The following PDE1A variants were observed in gnomAD, a reference collection of about 807,000 sequenced individuals.
PDE1A encodes phosphodiesterase 1A, also known as dual specificity calcium/calmodulin-dependent 3',5'-cyclic nucleotide phosphodiesterase 1A.
PDE1A carries 35 observed loss-of-function variants against 61.7 expected under a neutral mutation model. The observed-to-expected ratio is 0.57, with a 90% CI of 0.43 to 0.75. PDE1A has a LOEUF of 0.75. Ranked by LOEUF, PDE1A falls within the 30% of genes least tolerant of loss-of-function variation. The probability of loss-of-function intolerance (pLI) is 0.00; values close to 1 mark genes in which losing one functional copy is unlikely to be tolerated. For missense variants in PDE1A, 597 were observed against 630.6 expected (o/e 0.95, Z 0.57); for synonymous variants, 232 against 213.2 (o/e 1.09, Z -0.77).
intron 2 of PDE1A, among the ~76,000 whole-genome samples, chr2:182,463,384 A>G (rs1686439630): frequency 1.3e-5 from 2 of 152,216 alleles, no homozygotes; most frequent in African/African-American, 4.8e-5. Flanking sequence ...ATGCTACAGT[A>G]TTCACAGCAC....
In PDE1A at chr2:182,348,657, T is replaced by A. The variant is rs73043590; in HGVS notation, c.53+77921A>T. Among the ~76,000 whole-genome samples the A allele has an allele frequency of 4.0e-3, 613 of 152,144 alleles. 5 individuals carry two copies. Among genetic ancestry groups the A allele is most frequent in the Middle Eastern group, 0.017 (5 of 294 alleles). On this transcript the variant is annotated intron_variant, in intron 1 of 13. Coordinates refer to ENST00000351439, the Ensembl canonical transcript of PDE1A. ...TGGACTCTATGCTATCCTGTCCATT[T>A]CATTTCATTCCATTTCTTTGATCCA...
chr2:182,412,931 T>C (rs1372399246), intron 1 of PDE1A, among the ~76,000 whole-genome samples: 1 of 152,182 alleles, frequency 6.6e-6, no homozygotes, highest in African/African-American at 2.4e-5. Context: ...TAAAAGCTTA[T>C]TTTGGTTGGA....
chr2:182,638,896 G>T, the PDE1A span, among the ~76,000 whole-genome samples: 1 of 152,164 alleles, frequency 6.6e-6, no homozygotes, highest in Non-Finnish European at 1.5e-5. Flanking sequence ...ATGTGGTGAG[G>T]AAAGTGTAGC....
In PDE1A at chr2:182,469,571, C is replaced by A. The variant is rs115500354; in HGVS notation, c.101+52705G>T. 9.5e-3 allele frequency among the ~76,000 whole-genome samples: 1,447 copies of A among 152,042 alleles called. 18 individuals carry two copies. The highest frequency in any genetic ancestry group is 0.033 in the African/African-American group (1,360 of 41,520). ...ATCAGCAATAAGTCTGTTTGGCTTC[C>A]TTATAATTCATATGTTCACTAGGAT... is the stretch of plus-strand genomic sequence containing the variant. On this transcript the variant is annotated intron_variant, in intron 2 of 14. Coordinates refer to the PDE1A transcript ENST00000410103.
chr2:182,155,859 C>G (rs1286798691), intron 13 of PDE1A, among the ~76,000 whole-genome samples: 2 of 152,178 alleles, frequency 1.3e-5, no homozygotes, highest in Non-Finnish European at 2.9e-5. Context: ...CCATTGCACT[C>G]CAGCCTGGGC....
chr2:182,619,974 C>CA, the PDE1A span, among the ~76,000 whole-genome samples: 1 of 152,032 alleles, frequency 6.6e-6, no homozygotes, highest in African/African-American at 2.4e-5. Flanking sequence ...CAAACCCATC[C>CA]ATAAGGGTAG....
At chr2:182,191,100 T>G (rs1037007041) in intron 10 of PDE1A, among the ~76,000 whole-genome samples, 1 of 152,270 alleles carries the variant, frequency 6.6e-6, no homozygotes, top group East Asian at 1.9e-4. Flanking sequence ...TAATTTAGCA[T>G]GTAATAGAGA....
chr2:182,275,517 T>C (rs959836820), intron 1 of PDE1A, among the ~76,000 whole-genome samples: 2 of 152,078 alleles, frequency 1.3e-5, no homozygotes, highest in African/African-American at 4.8e-5. Context: ...TCTTGAGATT[T>C]GCAAATAAGG....
intron 8 of PDE1A, 122 bp downstream of exon 8, chr2:182,205,818 G>C: frequency 1.3e-6 from 1 of 799,312 alleles, no homozygotes; most frequent in East Asian, 2.7e-5. Flanking sequence ...TCATCCAGTC[G>C]ACAGTAATTA....
chr2:182,655,353 T>G, the PDE1A span, among the ~76,000 whole-genome samples: 1 of 152,186 alleles, frequency 6.6e-6, no homozygotes. Flanking sequence ...GGACTCCAGG[T>G]GTTTTCACTA....
At chr2:182,516,765 GAA>G (rs1690203222) in intron 2 of PDE1A, among the ~76,000 whole-genome samples, 3 of 120,686 alleles carry the variant, frequency 2.5e-5, no homozygotes, top group Admixed American at 9.4e-5. Context: ...GAAAGAAAAA[GAA>G]AGAAAGAAAG....
chr2:182,169,896 ACACACACACACACACACACACACACG>A (rs1449477831), intron 13 of PDE1A, among the ~76,000 whole-genome samples: 2 of 108,588 alleles, frequency 1.8e-5, no homozygotes, highest in African/African-American at 8.6e-5. Flanking sequence ...CAGGAGACAC[ACACACACACACACACACACACACACG>A]CACACACACA....
chr2:182,715,808 A>T, the PDE1A span, among the ~76,000 whole-genome samples: 1 of 152,200 alleles, frequency 6.6e-6, no homozygotes, highest in Non-Finnish European at 1.5e-5. Flanking sequence ...CTAGCCTGAT[A>T]CTGCAATCAG....
intron 1 of PDE1A, among the ~76,000 whole-genome samples, chr2:182,372,438 A>C (rs1386099061): frequency 6.6e-6 from 1 of 152,224 alleles, no homozygotes; most frequent in Non-Finnish European, 1.5e-5. Context: ...TCTCTTTTAA[A>C]AGGCATTTTA....
intron 2 of PDE1A, among the ~76,000 whole-genome samples, chr2:182,252,984 AG>A (rs1395503529): frequency 2.0e-5 from 3 of 152,238 alleles, no homozygotes; most frequent in African/African-American, 7.2e-5. Flanking sequence ...CCTCATTTCT[AG>A]TACTTGATAC....
downstream of PDE1A, among the ~76,000 whole-genome samples, chr2:182,165,122 C>T (rs1208119591): frequency 6.6e-6 from 1 of 152,042 alleles, no homozygotes; most frequent in Non-Finnish European, 1.5e-5. Context: ...GAATCAGCAT[C>T]CAATATATGG....
At chr2:182,156,102 A>T (rs1574510450) in intron 13 of PDE1A, among the ~76,000 whole-genome samples, 2 of 152,194 alleles carry the variant, frequency 1.3e-5, no homozygotes, top group East Asian at 3.8e-4. Context: ...CACCAGCCAT[A>T]TCAATAATCT....
the PDE1A span, among the ~76,000 whole-genome samples, chr2:182,675,628 G>A: frequency 6.6e-6 from 1 of 152,034 alleles, no homozygotes. Context: ...GTTATTTTTT[G>A]ACTTTTTAGT....
intron 2 of PDE1A, chr2:182,522,162 C>T (rs560206498): frequency 1.9e-5 from 15 of 810,236 alleles, no homozygotes; most frequent in Admixed American, 1.2e-4. Flanking sequence ...TTTTATTTTT[C>T]GAGAGAAAAT....
Sources: allele counts gnomAD v4.1 joint callset (sites outside exome capture counted in the v4.1 genomes callset), GRCh38; gene constraint gnomAD v4.1.1; transcripts MANE v1.5; gene names NCBI Gene and HGNC (gene_info 2026-07-23, HGNC 2026-07-21).